Variants in RIMS2 observed in about 807,000 individuals in gnomAD.
The protein encoded by RIMS2 is regulating synaptic membrane exocytosis protein 2.
Under a neutral mutation model 174.4 loss-of-function variants are expected in RIMS2, and 59 were observed. The ratio of observed to expected loss-of-function variants is 0.34; its 90% CI spans 0.27 to 0.42. RIMS2 has a LOEUF of 0.42. RIMS2 is among the 10% of genes least tolerant of loss of function. The pLI, the probability that RIMS2 is intolerant of heterozygous loss-of-function variation, is 1.00. For synonymous variants in RIMS2, 606 were observed against 572.5 expected, an observed-to-expected ratio of 1.06 and a Z score of -0.84; for missense variants, 1,620 against 1,666.3, an observed-to-expected ratio of 0.97 and a Z score of 0.48.
At chr8:103,735,047 G>A (rs1591343866) in intron 2 of RIMS2, among the ~76,000 whole-genome samples, 1 of 152,152 alleles carries the variant, frequency 6.6e-6, no homozygotes, top group Non-Finnish European at 1.5e-5. Flanking sequence ...TACTAACACT[G>A]CTACACCAAC....
chr8:103,991,909 G>T (rs2094725716), intron 17 of RIMS2, among the ~76,000 whole-genome samples: 2 of 151,698 alleles, frequency 1.3e-5, no homozygotes. Context: ...TAGATTAAAT[G>T]ACTCGTATCA....
intron 2 of RIMS2, among the ~76,000 whole-genome samples, chr8:103,728,745 C>CTTTT (rs1311572866): frequency 2.6e-4 from 18 of 68,152 alleles, no homozygotes; most frequent in African/African-American, 1.4e-3. Context: ...AGGTATGCTC[C>CTTTT]TTCTTTTTTT....
At chr8:104,216,989 A>G (rs2099132751) in intron 19 of RIMS2, among the ~76,000 whole-genome samples, 1 of 152,346 alleles carries the variant, frequency 6.6e-6, no homozygotes, top group African/African-American at 2.4e-5. Context: ...GTAACCTATT[A>G]TCATCATCAT....
chr8:103,549,346 CA>C (rs762418420), intron 1 of RIMS2, among the ~76,000 whole-genome samples: 12 of 152,132 alleles, frequency 7.9e-5, no homozygotes, highest in Non-Finnish European at 1.0e-4. Flanking sequence ...ATTTTCAACC[CA>C]GAATTTCATA....
chr8:103,991,029 A>G (rs1346912682), intron 17 of RIMS2, among the ~76,000 whole-genome samples: 1 of 151,854 alleles, frequency 6.6e-6, no homozygotes, highest in Non-Finnish European at 1.5e-5. Context: ...AATCCTTGGT[A>G]TTAGTTAATA....
chr8:104,147,590 T>C (rs573994931), intron 19 of RIMS2, among the ~76,000 whole-genome samples: 20 of 152,292 alleles, frequency 1.3e-4, no homozygotes, highest in African/African-American at 4.6e-4. Flanking sequence ...TGTTTCTTGA[T>C]TTTTATTCTT....
intron 3 of RIMS2, among the ~76,000 whole-genome samples, chr8:103,853,303 G>A (rs1357139016): frequency 6.6e-6 from 1 of 151,468 alleles, no homozygotes; most frequent in Non-Finnish European, 1.5e-5. Flanking sequence ...CTGATGCATA[G>A]TTTGTGAATA....
chr8:104,220,457 C>T (rs558757578), intron 19 of RIMS2, among the ~76,000 whole-genome samples: 5 of 152,248 alleles, frequency 3.3e-5, no homozygotes, highest in South Asian at 2.1e-4. Flanking sequence ...CCACTGATTC[C>T]GTTCTCAGAC....
chr8:104,022,957 T>G (rs547130278), intron 19 of RIMS2, among the ~76,000 whole-genome samples: 11 of 152,356 alleles, frequency 7.2e-5, no homozygotes, highest in African/African-American at 2.6e-4. Context: ...TAACTTGGTT[T>G]AACTTGGCTT....
chr8:103,648,386 T>C (rs188587518), intron 1 of RIMS2, among the ~76,000 whole-genome samples: 142 of 151,372 alleles, frequency 9.4e-4, no homozygotes, highest in Middle Eastern at 3.4e-3. Flanking sequence ...TAAAATTAAG[T>C]GCCATGTGGT....
intron 1 of RIMS2, among the ~76,000 whole-genome samples, chr8:103,675,810 A>T (rs1011670799): frequency 1.3e-5 from 2 of 152,150 alleles, no homozygotes; most frequent in African/African-American, 2.4e-5. Flanking sequence ...CTCAGACAAA[A>T]GCAGATCTTT....
chr8:104,190,479 A>G (rs780629293), intron 19 of RIMS2, among the ~76,000 whole-genome samples: 4 of 151,972 alleles, frequency 2.6e-5, no homozygotes, highest in Non-Finnish European at 5.9e-5. Context: ...CCTATATGAT[A>G]CTTCTTATTT....
intron 1 of RIMS2, among the ~76,000 whole-genome samples, chr8:103,612,180 ATTCC>A (rs2095392414): frequency 6.6e-6 from 1 of 152,224 alleles, no homozygotes; most frequent in East Asian, 1.9e-4. Flanking sequence ...AGAATTTTGA[ATTCC>A]TTCCCTGTGT....
chr8:104,041,077 T>G (rs1179352002), intron 19 of RIMS2, among the ~76,000 whole-genome samples: 1 of 151,752 alleles, frequency 6.6e-6, no homozygotes, highest in Non-Finnish European at 1.5e-5. Flanking sequence ...CTTCTGGATC[T>G]TCTTTATTTC....
intron 3 of RIMS2, among the ~76,000 whole-genome samples, chr8:103,794,486 G>T (rs1471015907): frequency 6.6e-6 from 1 of 152,120 alleles, no homozygotes; most frequent in East Asian, 1.9e-4. Flanking sequence ...AATCCTAGAA[G>T]AAAACCTAGG....
intron 16 of RIMS2, among the ~76,000 whole-genome samples, chr8:103,981,268 T>C (rs770180618): frequency 6.6e-6 from 1 of 152,034 alleles, no homozygotes; most frequent in African/African-American, 2.4e-5. Flanking sequence ...TGGGAGAAAG[T>C]AAGGGAAAAG....
At chr8:103,718,683 G>A (rs1330721302) in intron 2 of RIMS2, among the ~76,000 whole-genome samples, 2 of 151,826 alleles carry the variant, frequency 1.3e-5, no homozygotes, top group African/African-American at 4.8e-5. Context: ...GGGGTGGGGA[G>A]GGAGGAGTCT....
At chr8:103,648,115 G>T (rs1273426928) in intron 1 of RIMS2, among the ~76,000 whole-genome samples, 1 of 151,648 alleles carries the variant, frequency 6.6e-6, no homozygotes, top group Non-Finnish European at 1.5e-5. Context: ...TGGGTACATT[G>T]TCTCTTTGTT....
At chr8:104,101,276 G>A (rs1025914645) in intron 19 of RIMS2, among the ~76,000 whole-genome samples, 6 of 151,438 alleles carry the variant, frequency 4.0e-5, no homozygotes, top group East Asian at 1.9e-4. Flanking sequence ...ACAGGCATGT[G>A]CCACCATGCC....
Sources: allele counts gnomAD v4.1 joint callset (sites outside exome capture counted in the v4.1 genomes callset), GRCh38; gene constraint gnomAD v4.1.1; transcripts MANE v1.5; gene names NCBI Gene and HGNC (gene_info 2026-07-23, HGNC 2026-07-21).